Variants in LRMDA observed in about 807,000 individuals in gnomAD.
The protein encoded by LRMDA is leucine-rich melanocyte differentiation-associated protein.
LRMDA carries 18 observed loss-of-function variants against 29.8 expected under a neutral mutation model. That is an observed-to-expected ratio of 0.60 (90% CI 0.42 to 0.90). The LOEUF (loss-of-function observed/expected upper bound fraction) is 0.90, where lower values mean the gene tolerates loss of function less well. Among genes scored for constraint, LRMDA ranks in the 40% least tolerant of loss-of-function variants. LRMDA has a pLI of 0.00. For synonymous variants in LRMDA, 125 were observed against 109.4 expected (o/e 1.14, Z -0.89); for missense variants, 273 against 273.9 (o/e 1.00, Z 0.02).
chr10:76,198,265 T>A (rs1298057597), intron 5 of LRMDA, among the ~76,000 whole-genome samples: 1 of 152,242 alleles, frequency 6.6e-6, no homozygotes, highest in Admixed American at 6.5e-5. Context: ...TTTGTTAAAA[T>A]CACATTCTGA....
chr10:75,953,418 C>T (rs1846611385), intron 2 of LRMDA, among the ~76,000 whole-genome samples: 1 of 152,130 alleles, frequency 6.6e-6, no homozygotes, highest in African/African-American at 2.4e-5. Flanking sequence ...GCTGACTCTG[C>T]CAGCCCTGTG....
At chr10:76,263,516 A>G (rs560118363) in intron 5 of LRMDA, among the ~76,000 whole-genome samples, 1 of 152,302 alleles carries the variant, frequency 6.6e-6, no homozygotes, top group South Asian at 2.1e-4. Context: ...TCAATAAGAT[A>G]TTTCTCCATA....
Position 76,021,929 on chromosome 10 carries a change from T to G in LRMDA, c.132-14079T>G, listed in dbSNP as rs1414826124. On this transcript the variant is annotated intron_variant, in intron 2 of 6. Transcript: ENST00000611255. ...TGCGCTTTGCATACGCTTTTTCCTA[T>G]GCAGAAAGGAAAAGTGTCCTCCTGA... 3.9e-5 allele frequency among the ~76,000 whole-genome samples: 6 copies of G among 152,200 alleles called. No homozygotes were observed. In the East Asian group the frequency reaches 7.7e-4, roughly 20 times the overall value.
At chr10:75,828,073 G>A (rs1051735000) in intron 2 of LRMDA, among the ~76,000 whole-genome samples, 2 of 152,112 alleles carry the variant, frequency 1.3e-5, no homozygotes. Context: ...CTGATGTGTT[G>A]AATAGCACTC....
At chr10:76,145,084 T>A (rs1850286854) in intron 5 of LRMDA, among the ~76,000 whole-genome samples, 1 of 152,210 alleles carries the variant, frequency 6.6e-6, no homozygotes, top group Admixed American at 6.5e-5. Flanking sequence ...TGCTGCTGGA[T>A]TCGGTTTGCC....
chr10:75,643,675 G>C (rs1730586439), intron 2 of LRMDA, among the ~76,000 whole-genome samples: 1 of 152,062 alleles, frequency 6.6e-6, no homozygotes, highest in African/African-American at 2.4e-5. Context: ...AATGAGTTGG[G>C]GCTGGAGTTA....
chr10:76,293,830 A>G (rs1840379747), intron 5 of LRMDA, among the ~76,000 whole-genome samples: 1 of 152,234 alleles, frequency 6.6e-6, no homozygotes, highest in Non-Finnish European at 1.5e-5. Flanking sequence ...AAATAACTCA[A>G]GACCCTTAAA....
At chr10:76,518,309 AT>A (rs1843083526) in intron 6 of LRMDA, among the ~76,000 whole-genome samples, 2 of 151,724 alleles carry the variant, frequency 1.3e-5, no homozygotes, top group African/African-American at 4.8e-5. Context: ...CTATCTATCT[AT>A]CTATCTATCT....
At chr10:75,476,460 G>A (rs564882197) in intron 2 of LRMDA, among the ~76,000 whole-genome samples, 1 of 152,058 alleles carries the variant, frequency 6.6e-6, no homozygotes, top group Admixed American at 6.5e-5. Context: ...CCATCCTCCT[G>A]ACGCCCTAGG....
chr10:75,909,180 C>G (rs978150844), intron 2 of LRMDA, among the ~76,000 whole-genome samples: 1 of 152,086 alleles, frequency 6.6e-6, no homozygotes, highest in East Asian at 1.9e-4. Context: ...ATATTTTACC[C>G]TAGTATAGTA....
At chr10:76,338,761 A>T (rs546745857) in intron 6 of LRMDA, among the ~76,000 whole-genome samples, 252 of 152,366 alleles carry the variant, frequency 1.7e-3, no homozygotes, top group Middle Eastern at 3.4e-3. Flanking sequence ...ATGACATAGA[A>T]AACTTGAAAA....
intron 2 of LRMDA, chr10:75,782,642 A>T: frequency 1.1e-6 from 1 of 887,474 alleles, no homozygotes; most frequent in Non-Finnish European, 1.4e-6. Context: ...GCATGTTCTG[A>T]GCTTCTTTTG....
intron 2 of LRMDA, among the ~76,000 whole-genome samples, chr10:75,648,769 A>T (rs769413345): frequency 6.6e-6 from 1 of 152,162 alleles, no homozygotes; most frequent in Non-Finnish European, 1.5e-5. Context: ...CAGGTAACTA[A>T]GGTTTATTGA....
chr10:76,533,413 T>C (rs1843256499), intron 6 of LRMDA, among the ~76,000 whole-genome samples: 1 of 152,200 alleles, frequency 6.6e-6, no homozygotes, highest in African/African-American at 2.4e-5. Context: ...GTTAACTGTG[T>C]TTAGATCTTT....
chr10:76,320,821 C>G (rs776416454), intron 5 of LRMDA, among the ~76,000 whole-genome samples: 3 of 152,242 alleles, frequency 2.0e-5, no homozygotes, highest in Admixed American at 6.5e-5. Context: ...TCCTACTACA[C>G]TGCCCCTTGG....
chr10:75,457,393 G>T (rs547390559), intron 2 of LRMDA, among the ~76,000 whole-genome samples: 1 of 152,184 alleles, frequency 6.6e-6, no homozygotes, highest in African/African-American at 2.4e-5. Context: ...GGTGATTCTG[G>T]GATGTAGAAG....
rs912730169 is a variant in LRMDA at position 75,780,558 on chromosome 10, G to A, written c.132-255450G>A. ...GGAGGACATGGCTCTGAAGGTGAAT[G>A]TGAGCTATCCATAGTTGACATCAGA... On this transcript the variant is annotated intron_variant, in intron 2 of 6. Transcript: ENST00000611255. Among the ~76,000 whole-genome samples the A allele has an allele frequency of 8.5e-5, 13 of 152,208 alleles. 1 individual carries two copies. Among genetic ancestry groups the A allele is most frequent in the Non-Finnish European group, 1.5e-5 (1 of 68,038 alleles).
chr10:75,439,876 A>G (rs957080086), intron 2 of LRMDA, among the ~76,000 whole-genome samples: 1 of 152,116 alleles, frequency 6.6e-6, no homozygotes, highest in African/African-American at 2.4e-5. Context: ...CCCAGAGCAG[A>G]CTTAGGCAAA....
chr10:75,567,464 G>C (rs532403922), intron 2 of LRMDA, among the ~76,000 whole-genome samples: 30 of 152,330 alleles, frequency 2.0e-4, no homozygotes, highest in African/African-American at 7.2e-4. Flanking sequence ...CCAGTCTTGG[G>C]TTGGTTGCAA....
Sources: gnomAD v4.1 joint callset for allele counts (sites outside exome capture counted in the v4.1 genomes callset) on GRCh38, gnomAD v4.1.1 for gene constraint, MANE v1.5 for transcripts, NCBI Gene and HGNC (gene_info 2026-07-23, HGNC 2026-07-21) for gene names.